Variants in COL26A1 observed in about 807,000 individuals in gnomAD.
COL26A1 encodes collagen type XXVI alpha 1 chain.
Under a neutral mutation model 59.3 loss-of-function variants are expected in COL26A1, and 41 were observed. The ratio of observed to expected loss-of-function variants is 0.69; its 90% CI spans 0.54 to 0.90. The LOEUF (loss-of-function observed/expected upper bound fraction) is 0.90. Among genes scored for constraint, COL26A1 ranks in the 40% least tolerant of loss-of-function variants. The probability of loss-of-function intolerance (pLI) is 0.00; values close to 1 mark genes in which losing one functional copy is unlikely to be tolerated. For synonymous variants in COL26A1, 266 were observed against 256.0 expected (o/e 1.04, Z -0.37); for missense variants, 612 against 602.3 (o/e 1.02, Z -0.17).
At chr7:101,477,507 T>C (rs1339314960) in intron 3 of COL26A1, among the ~76,000 whole-genome samples, 2 of 152,220 alleles carry the variant, frequency 1.3e-5, no homozygotes, top group Admixed American at 6.5e-5. Flanking sequence ...GGTGTACATC[T>C]GGCCATCTGC....
chr7:101,422,372 G>GAAAAAA (rs3072484), intron 2 of COL26A1, among the ~76,000 whole-genome samples: 3 of 72,982 alleles, frequency 4.1e-5, no homozygotes, highest in Non-Finnish European at 4.9e-5. Flanking sequence ...GGTCCAAAAT[G>GAAAAAA]AAAAAAAAAA....
At chr7:101,495,243 A>G (rs1794556622) in intron 3 of COL26A1, among the ~76,000 whole-genome samples, 1 of 152,198 alleles carries the variant, frequency 6.6e-6, no homozygotes, top group African/African-American at 2.4e-5. Context: ...GATGTCCGGC[A>G]GAACAGGTGC....
chr7:101,557,564 A>G lies in COL26A1; in HGVS notation c.*34A>G, dbSNP rs746498423. Reference sequence around the variant, plus strand: ...TGCTCCAGGACACCCTGTCCTGGCTAGAGACCCAGCCCCAGAGGCCTGAGC... The same window carrying G: ...TGCTCCAGGACACCCTGTCCTGGCTGGAGACCCAGCCCCAGAGGCCTGAGC... On this transcript the variant is annotated 3_prime_UTR_variant, in exon 13 of 13. Coordinates refer to ENST00000313669, the MANE Select transcript of COL26A1 (RefSeq NM_001278563.3). 7 of 1,570,928 alleles carry G rather than the reference A, an allele frequency of 4.5e-6. No individual in the cohort carries two copies. Among genetic ancestry groups the G allele is most frequent in the Non-Finnish European group, 6.1e-6 (7 of 1,154,376 alleles).
intron 1 of COL26A1, among the ~76,000 whole-genome samples, chr7:101,403,275 G>A (rs1053709643): frequency 3.3e-5 from 5 of 152,176 alleles, no homozygotes; most frequent in Non-Finnish European, 7.3e-5. Flanking sequence ...GAGATTAGGA[G>A]TGGGGGCCTT....
intron 3 of COL26A1, among the ~76,000 whole-genome samples, chr7:101,510,306 G>A (rs138091759): frequency 0.014 from 2,102 of 152,242 alleles, 42 homozygotes; most frequent in African/African-American, 0.048. Context: ...GATTACAGGC[G>A]TGAGCCACTG....
intron 3 of COL26A1, among the ~76,000 whole-genome samples, chr7:101,470,346 G>A (rs1047427884): frequency 7.3e-5 from 11 of 151,334 alleles, no homozygotes; most frequent in South Asian, 2.1e-4. Context: ...CGTCCACCTC[G>A]GCCTCCCAAA....
chr7:101,400,353 ATTTTTTTTTTTT>A (rs574852983), intron 1 of COL26A1, among the ~76,000 whole-genome samples: 2,289 of 97,316 alleles, frequency 0.024, 32 homozygotes, highest in Non-Finnish European at 0.033. Context: ...TTTTTTTCCT[ATTTTTTTTTTTT>A]TTTTTTTTTT....
intron 1 of COL26A1, among the ~76,000 whole-genome samples, chr7:101,406,340 G>C (rs1017799600): frequency 2.6e-5 from 4 of 152,142 alleles, no homozygotes; most frequent in African/African-American, 9.7e-5. Context: ...AGGCCATGGT[G>C]TTACATACAC....
intron 3 of COL26A1, among the ~76,000 whole-genome samples, chr7:101,495,864 C>T (rs768033113): frequency 6.6e-6 from 1 of 151,490 alleles, no homozygotes; most frequent in Admixed American, 6.6e-5. Context: ...GAGGCCGAGG[C>T]GGGATGATCA....
rs187209932 is a variant in COL26A1, at chr7:101,513,367, C to T, written c.386-19715C>T. 2.6e-3 allele frequency among the ~76,000 whole-genome samples: 391 copies of T among 151,844 alleles called. 2 individuals carry two copies. The highest frequency in any genetic ancestry group is 0.01 in the Middle Eastern group (3 of 294). ...TTATTTATTCTGAGACAGAGTCGCC[C>T]ACGCCACTGAGTGCAGCAGCGTGAT... On this transcript the variant is annotated intron_variant, in intron 3 of 12. Coordinates refer to ENST00000313669, the MANE Select transcript of COL26A1 (RefSeq NM_001278563.3).
intron 2 of COL26A1, among the ~76,000 whole-genome samples, chr7:101,436,443 G>C (rs1792916499): frequency 6.6e-6 from 1 of 152,178 alleles, no homozygotes; most frequent in Non-Finnish European, 1.5e-5. Flanking sequence ...GTGGAGGCCA[G>C]GGGAGGAGTC....
At chr7:101,376,668 C>T (rs899768277) in intron 1 of COL26A1, among the ~76,000 whole-genome samples, 9 of 151,912 alleles carry the variant, frequency 5.9e-5, no homozygotes, top group Non-Finnish European at 1.2e-4. Flanking sequence ...CTCTTAGGAC[C>T]CTGCTCAGGT....
rs773857392 is a variant in COL26A1, at chr7:101,551,097, G to GT, written c.994-7dup. 3.0e-5 allele frequency: 47 copies of GT among 1,555,346 alleles called. No individual in the cohort carries two copies. In the Middle Eastern group the frequency reaches 6.8e-4, roughly 22 times the overall value. The stretch of plus-strand genomic sequence containing the variant: ...CGGCAGGCCTCACACGCTTCCTTTG[G>GT]TTTTCTGCAGGGCCTGGCTGGAGAG... On this transcript the variant is annotated splice_polypyrimidine_tract_variant and intron_variant, in intron 9 of 12. Coordinates refer to ENST00000313669, the MANE Select transcript of COL26A1 (RefSeq NM_001278563.3).
chr7:101,543,051 A>C (rs1795651140), intron 5 of COL26A1, among the ~76,000 whole-genome samples: 1 of 152,200 alleles, frequency 6.6e-6, no homozygotes, highest in Admixed American at 6.5e-5. Context: ...TCCAGAGCGC[A>C]GGTGGGGCTC....
chr7:101,516,053 G>A (rs1263966051), intron 3 of COL26A1, among the ~76,000 whole-genome samples: 1 of 152,182 alleles, frequency 6.6e-6, no homozygotes, highest in Non-Finnish European at 1.5e-5. Flanking sequence ...AATAACTGAG[G>A]GGGAAGTAAG....
At chr7:101,362,718 C>T (rs1347213908), upstream of COL26A1, 6 of 411,878 alleles carry the variant, frequency 1.5e-5, no homozygotes, top group Non-Finnish European at 2.6e-5. Context: ...TGTTAGGCTC[C>T]AGGGACCTCC....
intron 3 of COL26A1, among the ~76,000 whole-genome samples, chr7:101,511,618 C>T (rs1002914498): frequency 6.6e-6 from 1 of 152,222 alleles, no homozygotes; most frequent in Non-Finnish European, 1.5e-5. Flanking sequence ...ATAGGATTGT[C>T]CCCTGATCTG....
intron 3 of COL26A1, among the ~76,000 whole-genome samples, chr7:101,519,336 G>A (rs1006224175): frequency 6.6e-6 from 1 of 152,182 alleles, no homozygotes; most frequent in African/African-American, 2.4e-5. Context: ...CTAGAGACAG[G>A]GTCTCGCTCT....
At position 101,447,781 on chromosome 7, in the gene COL26A1, GA is replaced by G. The variant is rs1469729142; in HGVS notation, c.380del (p.Asp127ValfsTer5). The G allele has an allele frequency of 6.3e-7, 1 of 1,597,488 alleles. No individual in the cohort carries two copies. The highest frequency in any genetic ancestry group is 8.5e-7 in the Non-Finnish European group (1 of 1,171,868). On this transcript the variant is annotated frameshift_variant, in exon 3 of 13. Transcript: ENST00000313669. LOFTEE classifies it high-confidence loss of function. ...CCPGFTGSNCDEECMNCTRLS... is the reference protein window; with the variant it reads ...CCPGFTGSNCXEECMNCTRLS... Reference sequence around the variant, plus strand: ...CCCTGGCTTCACCGGGAGCAACTGTGATGAGGGTAAGTTGGCAGGCACTTGG... The same window carrying G: ...CCCTGGCTTCACCGGGAGCAACTGTGTGAGGGTAAGTTGGCAGGCACTTGG...
Sources: allele counts gnomAD v4.1 joint callset (sites outside exome capture counted in the v4.1 genomes callset), GRCh38; gene constraint gnomAD v4.1.1; transcripts MANE v1.5; gene names NCBI Gene and HGNC (gene_info 2026-07-23, HGNC 2026-07-21).